The following LTB4R variants were observed in gnomAD, a reference collection of about 807,000 sequenced individuals.
LTB4R encodes leukotriene B4 receptor.
For synonymous variants in LTB4R, 250 were observed against 230.7 expected (o/e 1.08, Z -0.76); for missense variants, 470 against 485.6 (o/e 0.97, Z 0.30).
intron 1 of LTB4R, chr14:24,315,017 G>GT (rs2139181737): frequency 6.5e-6 from 1 of 153,254 alleles, no homozygotes; most frequent in East Asian, 1.9e-4. Context: ...GCCAAAGCTT[G>GT]TAAGTAAGTT....
In LTB4R at chr14:24,316,294, C is replaced by A. The variant is rs1237948846; in HGVS notation, c.643C>A (p.Arg215Ser). 1.2e-6 allele frequency: 2 copies of A among 1,602,930 alleles called. No individual in the cohort carries two copies. The highest frequency in any genetic ancestry group is 1.7e-6 in the Non-Finnish European group (2 of 1,175,910). Residue 215 changes from arginine to serine, a missense_variant, in exon 2 of 2, where the codon CGC (arginine) becomes AGC (serine). Transcript: ENST00000345363. ...TCGGCTACAGGCCCGGCGCTTCCGCCGCAGCCGCCGCACCGGCCGCCTGGT... is the reference window on the plus strand; with the variant it reads ...TCGGCTACAGGCCCGGCGCTTCCGCAGCAGCCGCCGCACCGGCCGCCTGGT... ...GRRLQARRFR[R>S]SRRTGRLVVL...
Position 24,315,833 on chromosome 14 carries a change from C to T in LTB4R, c.182C>T (p.Ala61Val). Reference sequence around the variant, plus strand: ...ACTGCCCTGATGGTGCTGAACCTGGCCCTGGCCGACCTGGCCGTATTGCTC... The same window carrying T: ...ACTGCCCTGATGGTGCTGAACCTGGTCCTGGCCGACCTGGCCGTATTGCTC... ...SVTALMVLNL[A>V]LADLAVLLTA... The change falls in exon 2 of 2, where the codon GCC (alanine) becomes GTC (valine). Residue 61 changes from alanine (A) to valine (V), a missense_variant. By Grantham distance (64) the Ala-to-Val change is moderately conservative. Transcript: ENST00000345363. 1.2e-6 allele frequency: 2 copies of T among 1,614,262 alleles called. No individual in the cohort carries two copies. The highest frequency in any genetic ancestry group is 1.7e-6 in the Non-Finnish European group (2 of 1,180,040).
At position 24,316,392 on chromosome 14, in the gene LTB4R, C is replaced by T. The variant is rs756779238; in HGVS notation, c.741C>T (p.Arg247=). 3.2e-6 allele frequency: 5 copies of T among 1,585,042 alleles called. No individual in the cohort carries two copies. Among genetic ancestry groups the T allele is most frequent in the African/African-American group, 2.7e-5 (2 of 74,506 alleles). ...YHVVNLAEAG[R]ALAGQAAGLG... is the part of the protein sequence containing the mutation. ...TGGTGAACCTGGCTGAGGCGGGCCG[C>T]GCGCTGGCCGGCCAGGCCGCCGGGT... is the stretch of plus-strand genomic sequence containing the variant. Residue 247 remains arginine, a synonymous_variant, in exon 2 of 2, where the codon CGC becomes CGT. Coordinates refer to ENST00000345363, the MANE Select transcript of LTB4R (RefSeq NM_001143919.3).
chr14:24,317,428 C>T lies in LTB4R; in HGVS notation c.*718C>T, dbSNP rs2041786889. On this transcript the variant is annotated 3_prime_UTR_variant, in exon 2 of 2. Transcript: ENST00000345363. ...TCTTATCCCTTAGAATTTTGCATAT[C>T]AGCATCTGCTAACCTCCACAACACA... 6.0e-6 allele frequency: 1 copy of T among 167,092 alleles called. No individual in the cohort carries two copies. The highest frequency in any genetic ancestry group is 6.5e-5 in the Admixed American group (1 of 15,288). 10.4% of individuals were successfully genotyped at this position (167,092 alleles called of 1,614,324 possible). A position where few individuals can be genotyped will look rare whatever the true frequency, so the allele number is the denominator to read the frequency against.
chr14:24,312,065 G>C lies in LTB4R; in HGVS notation c.-16+261G>C, dbSNP rs58866710. ...ATGATGACTTAAGTGTGCTTCCCCT[G>C]GTGGTTCTTCATGCCTGAGTTGTAC... On this transcript the variant is annotated intron_variant, in intron 1 of 1. Transcript: ENST00000345363. The C allele has an allele frequency of 1.6e-3, 473 of 301,856 alleles. 3 individuals are homozygous for C. Among genetic ancestry groups the C allele is most frequent in the African/African-American group, 9.9e-3 (455 of 45,858 alleles). The allele number at this position is 301,856 out of a possible 1,614,324, so 18.7% of individuals were successfully genotyped here. A position where few individuals can be genotyped will look rare whatever the true frequency, so the allele number is the denominator to read the frequency against.
Position 24,316,634 on chromosome 14 carries a change from GC to G in LTB4R, c.987del (p.Ala330ProfsTer19). On this transcript the variant is annotated frameshift_variant, in exon 2 of 2. Transcript: ENST00000345363. LOFTEE classifies it low-confidence loss of function (END_TRUNC). ...AGCCTGGGCCAGACCGCTAGGAGCG[GC>G]CCCGCCGCTCTGGAGCCCGGCCCTT... ...GGSLGQTARSGPAALEPGPSE... is the reference protein window; with the variant it reads ...GGSLGQTARSXPAALEPGPSE... 3 of 1,518,268 alleles carry G rather than the reference GC, an allele frequency of 2.0e-6. No homozygotes were observed. Among genetic ancestry groups the G allele is most frequent in the East Asian group, 2.7e-5 (1 of 37,208 alleles). 94.0% of individuals were successfully genotyped at this position (1,518,268 alleles called of 1,614,324 possible). A position where few individuals can be genotyped will look rare whatever the true frequency, so the allele number is the denominator to read the frequency against.
Position 24,316,949 on chromosome 14 carries a change from T to A in LTB4R, c.*239T>A, listed in dbSNP as rs2041782257. ...ACTGAAGTCTGAAATTTGGTCAACC[T>A]TGTGAGTGGGGTACATGTGCTGTGG... On this transcript the variant is annotated 3_prime_UTR_variant, in exon 2 of 2. Transcript: ENST00000345363. The A allele has an allele frequency of 2.4e-6, 1 of 424,636 alleles. No individual in the cohort carries two copies. Among genetic ancestry groups the A allele is most frequent in the Non-Finnish European group, 4.3e-6 (1 of 229,936 alleles). 26.3% of individuals were successfully genotyped at this position (424,636 alleles called of 1,614,324 possible).
chr14:24,313,044 C>T (rs1329464441), intron 1 of LTB4R, among the ~76,000 whole-genome samples: 1 of 152,160 alleles, frequency 6.6e-6, no homozygotes, highest in Non-Finnish European at 1.5e-5. Context: ...CATGCTAGGG[C>T]TACCAAAACT....
chr14:24,317,018 A>G lies in LTB4R; in HGVS notation c.*308A>G, dbSNP rs1181583776. ...GCGCCCTGGTGGGGCCCCTCTCGGTAGTTGAGAGTCACGTCCTTTAGTTCC... is the reference window on the plus strand; with the variant it reads ...GCGCCCTGGTGGGGCCCCTCTCGGTGGTTGAGAGTCACGTCCTTTAGTTCC... On this transcript the variant is annotated 3_prime_UTR_variant, in exon 2 of 2. Coordinates refer to ENST00000345363, the MANE Select transcript of LTB4R (RefSeq NM_001143919.3). 1 of 313,568 alleles carries G rather than the reference A, an allele frequency of 3.2e-6. No individual in the cohort carries two copies. The highest frequency in any genetic ancestry group is 6.2e-6 in the Non-Finnish European group (1 of 160,712). 19.4% of individuals were successfully genotyped at this position (313,568 alleles called of 1,614,324 possible).
At position 24,311,696 on chromosome 14, in the gene LTB4R, C is replaced by G. The variant is rs1429914287; in HGVS notation, c.-124C>G. On this transcript the variant is annotated 5_prime_UTR_variant, in exon 1 of 2. Coordinates refer to ENST00000345363, the MANE Select transcript of LTB4R (RefSeq NM_001143919.3). ...TGGGGCAGGGCCGCGGCAATGGAGA[C>G]CCGGGGGGTGGGATGGAGAAGGACG... The G allele has an allele frequency of 3.7e-6, 6 of 1,606,534 alleles. No individual in the cohort carries two copies. The African/African-American group carries it at 6.7e-5, about 18-fold the overall frequency.
chr14:24,316,538 C>A lies in LTB4R; in HGVS notation c.887C>A (p.Ala296Glu). ...GCCGGCGGCGGCCTGCTGCGCTCGG[C>A]GGGCGTGGGCTTCGTCGCCAAGCTG... The part of the protein sequence containing the change: ...ACAGGGLLRS[A>E]GVGFVAKLLE... The change falls in exon 2 of 2, where the codon GCG (alanine) becomes GAG (glutamate). Residue 296 changes from alanine (A) to glutamate (E), a missense_variant. By Grantham distance (107) the Ala-to-Glu change is moderately radical. Transcript: ENST00000345363. 1 of 1,442,290 alleles carries A rather than the reference C, an allele frequency of 6.9e-7. No individual in the cohort carries two copies. Among genetic ancestry groups the A allele is most frequent in the Non-Finnish European group, 9.0e-7 (1 of 1,105,412 alleles). The allele number at this position is 1,442,290 out of a possible 1,614,324, so 89.3% of individuals were successfully genotyped here.
In LTB4R at chr14:24,311,746, A is replaced by C; in HGVS notation, c.-74A>C. On this transcript the variant is annotated 5_prime_UTR_variant, in exon 1 of 2. Transcript: ENST00000345363. The stretch of plus-strand genomic sequence containing the variant: ...GGTCCGGAATGGGACCTTTGACAGC[A>C]GACCCTACAACCTGCTGCCCTTCCC... 6.4e-7 allele frequency: 1 copy of C among 1,564,608 alleles called. No homozygotes were observed. The highest frequency in any genetic ancestry group is 8.7e-7 in the Non-Finnish European group (1 of 1,153,020).
At chr14:24,313,719 G>A (rs1289669311) in intron 1 of LTB4R, 1 of 152,060 alleles carries the variant, frequency 6.6e-6, no homozygotes, top group Non-Finnish European at 1.5e-5. Flanking sequence ...CCAAGTAGCT[G>A]AGACTACAGG....
At position 24,317,835 on chromosome 14, in the gene LTB4R, G is replaced by C. The variant is rs2041790782; in HGVS notation, c.*1125G>C. 3 of 172,844 alleles carry C rather than the reference G, an allele frequency of 1.7e-5. No individual in the cohort carries two copies. The Admixed American group carries it at 1.8e-4, about 10-fold the overall frequency. 10.7% of individuals were successfully genotyped at this position (172,844 alleles called of 1,614,324 possible). ...GAAGGAAGCAAAGGGATGTTGGATG[G>C]ACCTAAGAAGAGGAGATCCCCAAGC... On this transcript the variant is annotated 3_prime_UTR_variant, in exon 2 of 2. Transcript: ENST00000345363.
At chr14:24,313,107 C>T (rs2139179221) in intron 1 of LTB4R, among the ~76,000 whole-genome samples, 1 of 152,272 alleles carries the variant, frequency 6.6e-6, no homozygotes, top group Admixed American at 6.5e-5. Context: ...CTTAGAGTGC[C>T]TGGTCCTGGG....
intron 1 of LTB4R, chr14:24,314,462 A>C (rs1191750378): frequency 6.6e-6 from 1 of 152,278 alleles, no homozygotes; most frequent in Non-Finnish European, 1.5e-5. Flanking sequence ...ATCTAACCCA[A>C]ACCCAGACCC....
intron 1 of LTB4R, chr14:24,314,154 T>A (rs2041749766): frequency 6.6e-6 from 1 of 152,216 alleles, no homozygotes; most frequent in Non-Finnish European, 1.5e-5. Flanking sequence ...GCCCAGATCA[T>A]AAATCCAGAC....
rs746773973 is a variant in LTB4R, at chr14:24,316,175, A to G, written c.524A>G (p.Glu175Gly). 1 of 1,613,854 alleles carries G rather than the reference A, an allele frequency of 6.2e-7. No homozygotes were observed. Among genetic ancestry groups the G allele is most frequent in the Non-Finnish European group, 8.5e-7 (1 of 1,180,034 alleles). Residue 175 changes from glutamate to glycine, a missense_variant, in exon 2 of 2, where the codon GAA (glutamate) becomes GGA (glycine). Transcript: ENST00000345363. ...CTGTGCTTCCCGCGGTACCCCAGCG[A>G]AGGGCACCGGGCCTTCCATCTAATC... Reference protein sequence around the residue: ...MSLCFPRYPSEGHRAFHLIFE... With the variant: ...MSLCFPRYPSGGHRAFHLIFE...
intron 1 of LTB4R, chr14:24,313,670 C>A (rs2041744821): frequency 6.6e-6 from 1 of 151,090 alleles, no homozygotes; most frequent in Admixed American, 6.6e-5. Context: ...ACTGCAGCCT[C>A]CACTTCCTGG....
Sources: gnomAD v4.1 joint callset for allele counts (sites outside exome capture counted in the v4.1 genomes callset) on GRCh38, gnomAD v4.1.1 for gene constraint, MANE v1.5 for transcripts, NCBI Gene and HGNC (gene_info 2026-07-23, HGNC 2026-07-21) for gene names.